Variants in FAM135B observed in about 807,000 individuals in gnomAD.
FAM135B encodes protein FAM135B.
In FAM135B, 43 loss-of-function variants were observed where a neutral mutation model predicts 127.7. The ratio of observed to expected loss-of-function variants is 0.34; its 90% CI spans 0.26 to 0.43. The LOEUF (loss-of-function observed/expected upper bound fraction) is 0.43, where lower values mean the gene tolerates loss of function less well. Ranked by LOEUF, FAM135B falls within the 20% of genes least tolerant of loss-of-function variation. FAM135B has a pLI of 1.00. For missense variants in FAM135B, 1,558 were observed against 1,725.6 expected, an observed-to-expected ratio of 0.90 and a Z score of 1.72; for synonymous variants, 670 against 665.1, an observed-to-expected ratio of 1.01 and a Z score of -0.11.
At chr8:138,428,800 C>T (rs1461531321) in intron 1 of FAM135B, among the ~76,000 whole-genome samples, 3 of 152,302 alleles carry the variant, frequency 2.0e-5, no homozygotes, top group African/African-American at 7.2e-5. Context: ...TTTAGACTTG[C>T]TTTTGTTTCT....
At chr8:138,344,651 C>T (rs113884619) in intron 2 of FAM135B, among the ~76,000 whole-genome samples, 4,833 of 147,184 alleles carry the variant, frequency 0.033, 156 homozygotes, top group East Asian at 0.17. Context: ...TCTCAGCTCA[C>T]TGCAATCTCC....
chr8:138,286,783 G>T (rs1363986607), intron 3 of FAM135B, among the ~76,000 whole-genome samples: 1 of 152,188 alleles, frequency 6.6e-6, no homozygotes, highest in Admixed American at 6.5e-5. Flanking sequence ...CACTCAGTCA[G>T]CAGGGAGCCT....
chr8:138,185,007 T>TGGA (rs1815418955), intron 9 of FAM135B, among the ~76,000 whole-genome samples: 1 of 152,202 alleles, frequency 6.6e-6, no homozygotes, highest in Non-Finnish European at 1.5e-5. Flanking sequence ...AGCTTGGTGT[T>TGGA]CTGGGCTGCC....
intron 2 of FAM135B, among the ~76,000 whole-genome samples, chr8:138,353,237 C>G (rs981480885): frequency 5.3e-5 from 8 of 152,182 alleles, no homozygotes; most frequent in Admixed American, 2.0e-4. Flanking sequence ...TCAGCTCCCC[C>G]AAGCACATGG....
At chr8:138,294,355 T>A (rs1248664026) in intron 3 of FAM135B, among the ~76,000 whole-genome samples, 1 of 152,074 alleles carries the variant, frequency 6.6e-6, no homozygotes, top group Non-Finnish European at 1.5e-5. Flanking sequence ...AATTCATCCA[T>A]ATCATCAAAA....
At chr8:138,492,448 T>TA (rs1170999269) in intron 1 of FAM135B, among the ~76,000 whole-genome samples, 3 of 152,146 alleles carry the variant, frequency 2.0e-5, no homozygotes, top group Non-Finnish European at 4.4e-5. Context: ...TAAGAGGCCA[T>TA]AAAATCTTTG....
intron 7 of FAM135B, among the ~76,000 whole-genome samples, chr8:138,231,876 A>T (rs1293283087): frequency 6.6e-6 from 1 of 152,214 alleles, no homozygotes; most frequent in Non-Finnish European, 1.5e-5. Flanking sequence ...TGGGTTTGTA[A>T]TGTCACCATC....
chr8:138,366,924 A>G (rs1830777673), intron 2 of FAM135B, among the ~76,000 whole-genome samples: 1 of 152,082 alleles, frequency 6.6e-6, no homozygotes, highest in Non-Finnish European at 1.5e-5. Context: ...TCCCCTCTTG[A>G]TAGCCCAAGC....
intron 15 of FAM135B, among the ~76,000 whole-genome samples, chr8:138,145,208 G>T (rs1203557177): frequency 3.3e-5 from 5 of 152,048 alleles, no homozygotes; most frequent in African/African-American, 9.7e-5. Flanking sequence ...GAGAGAAAGG[G>T]TCTCACTTTG....
At chr8:138,206,263 C>T (rs1252664200) in intron 7 of FAM135B, among the ~76,000 whole-genome samples, 5 of 146,144 alleles carry the variant, frequency 3.4e-5, no homozygotes, top group Non-Finnish European at 4.6e-5. Flanking sequence ...CTACACACAG[C>T]TCTATCATCC....
At chr8:138,238,583 A>G (rs1820484408) in intron 7 of FAM135B, among the ~76,000 whole-genome samples, 1 of 152,240 alleles carries the variant, frequency 6.6e-6, no homozygotes, top group Non-Finnish European at 1.5e-5. Flanking sequence ...TTTTACGCCA[A>G]TCAGCTCGTA....
At chr8:138,386,234 A>C (rs2131306475) in intron 1 of FAM135B, among the ~76,000 whole-genome samples, 1 of 152,092 alleles carries the variant, frequency 6.6e-6, no homozygotes, top group African/African-American at 2.4e-5. Context: ...CAAAAAAAAA[A>C]ACAAAAACAA....
At chr8:138,249,434 C>T (rs1349580313) in intron 6 of FAM135B, among the ~76,000 whole-genome samples, 3 of 152,200 alleles carry the variant, frequency 2.0e-5, no homozygotes, top group Non-Finnish European at 4.4e-5. Flanking sequence ...TGTGAACTCA[C>T]TGAGGGAAAG....
intron 5 of FAM135B, among the ~76,000 whole-genome samples, chr8:138,251,698 C>T (rs1432299955): frequency 6.6e-6 from 1 of 152,104 alleles, no homozygotes; most frequent in Non-Finnish European, 1.5e-5. Flanking sequence ...TGGCACACGA[C>T]CCAACAGCAT....
chr8:138,196,855 G>T (rs1329017953), intron 8 of FAM135B, among the ~76,000 whole-genome samples: 3 of 152,156 alleles, frequency 2.0e-5, no homozygotes, highest in Non-Finnish European at 2.9e-5. Context: ...AGCTGTCATG[G>T]TTCTGCCACA....
intron 2 of FAM135B, among the ~76,000 whole-genome samples, chr8:138,326,330 C>T (rs948369266): frequency 6.6e-6 from 1 of 152,124 alleles, no homozygotes; most frequent in Non-Finnish European, 1.5e-5. Flanking sequence ...AACATCATTA[C>T]AAGATGTCAG....
chr8:138,198,418 C>T (rs1334555375), intron 7 of FAM135B, among the ~76,000 whole-genome samples: 4 of 152,146 alleles, frequency 2.6e-5, no homozygotes, highest in Non-Finnish European at 5.9e-5. Context: ...CTGCAGGGTG[C>T]ACTATAGAGG....
intron 6 of FAM135B, among the ~76,000 whole-genome samples, chr8:138,245,677 C>T (rs887450710): frequency 4.6e-5 from 7 of 152,164 alleles, no homozygotes; most frequent in Non-Finnish European, 1.0e-4. Context: ...TGGACTAATA[C>T]AGTAAATTGG....
intron 1 of FAM135B, among the ~76,000 whole-genome samples, chr8:138,477,613 T>A (rs1033609108): frequency 2.0e-5 from 3 of 152,146 alleles, no homozygotes; most frequent in African/African-American, 7.2e-5. Context: ...GCACTACTAG[T>A]TTCTTAGCCA....
Sources: allele counts gnomAD v4.1 joint callset (sites outside exome capture counted in the v4.1 genomes callset), GRCh38; gene constraint gnomAD v4.1.1; transcripts MANE v1.5; gene names NCBI Gene and HGNC (gene_info 2026-07-23, HGNC 2026-07-21).